Variants in TCF7L2 observed in about 807,000 individuals in gnomAD.
TCF7L2 encodes the protein transcription factor 7 like 2.
TCF7L2 carries 23 observed loss-of-function variants against 77.9 expected under a neutral mutation model. The observed-to-expected ratio is 0.30, with a 90% CI of 0.21 to 0.42. TCF7L2 has a LOEUF of 0.42. TCF7L2 is among the 10% of genes least tolerant of loss of function. The probability of loss-of-function intolerance (pLI) is 1.00; values close to 1 mark genes in which losing one functional copy is unlikely to be tolerated. For synonymous variants in TCF7L2, 413 were observed against 340.2 expected, an observed-to-expected ratio of 1.21 and a Z score of -2.36; for missense variants, 654 against 793.1, an observed-to-expected ratio of 0.82 and a Z score of 2.11.
intron 4 of TCF7L2, among the ~76,000 whole-genome samples, chr10:112,966,700 G>A (rs149394994): frequency 5.1e-4 from 78 of 152,284 alleles, no homozygotes; most frequent in Non-Finnish European, 8.7e-4. Flanking sequence ...CTTTACACCC[G>A]TTGCTGAAGT....
At chr10:113,163,736 C>A (rs572321576) in intron 13 of TCF7L2, among the ~76,000 whole-genome samples, 1 of 152,030 alleles carries the variant, frequency 6.6e-6, no homozygotes, top group South Asian at 2.1e-4. Flanking sequence ...TCCTTCTGAC[C>A]CAGAAGGAAC....
intron 5 of TCF7L2, among the ~76,000 whole-genome samples, chr10:113,085,222 G>A (rs1032858196): frequency 5.5e-5 from 8 of 144,982 alleles, no homozygotes; most frequent in African/African-American, 9.9e-5. Flanking sequence ...CACCACATCT[G>A]GCTATTTTTT....
intron 4 of TCF7L2, among the ~76,000 whole-genome samples, chr10:113,008,386 C>G (rs1284675145): frequency 1.3e-5 from 2 of 152,188 alleles, no homozygotes; most frequent in Non-Finnish European, 2.9e-5. Context: ...ACACCTGTCT[C>G]TCTGCGTAGC....
At chr10:113,034,670 A>G (rs1231710627) in intron 4 of TCF7L2, among the ~76,000 whole-genome samples, 3 of 152,026 alleles carry the variant, frequency 2.0e-5, no homozygotes, top group African/African-American at 7.2e-5. Flanking sequence ...CTGAGGTGGG[A>G]GGGTCATCTG....
intron 5 of TCF7L2, among the ~76,000 whole-genome samples, chr10:113,076,889 T>C (rs747417316): frequency 6.6e-6 from 1 of 152,166 alleles, no homozygotes; most frequent in Non-Finnish European, 1.5e-5. Flanking sequence ...AGGTGACTCT[T>C]CCCCCTCCCC....
At chr10:112,989,737 G>A (rs1425644327) in intron 4 of TCF7L2, among the ~76,000 whole-genome samples, 1 of 152,184 alleles carries the variant, frequency 6.6e-6, no homozygotes, top group Non-Finnish European at 1.5e-5. Context: ...ACACAGCAGC[G>A]TGATAGCATT....
At chr10:113,143,882 C>T (rs778224939) in intron 6 of TCF7L2, 41 bp from the exon 7 acceptor site, 2 of 1,517,308 alleles carry the variant, frequency 1.3e-6, no homozygotes, top group South Asian at 2.3e-5. Context: ...CTCTTTCCTT[C>T]TCTCCCTCCT....
intron 3 of TCF7L2, among the ~76,000 whole-genome samples, chr10:112,964,227 C>T (rs114658928): frequency 0.012 from 1,791 of 152,202 alleles, 31 homozygotes; most frequent in African/African-American, 0.038. Context: ...TTCAGCATCC[C>T]GCTCAGCACA....
At chr10:113,057,210 C>A (rs974812506) in intron 5 of TCF7L2, among the ~76,000 whole-genome samples, 1 of 152,106 alleles carries the variant, frequency 6.6e-6, no homozygotes, top group Non-Finnish European at 1.5e-5. Context: ...GGTGATTACC[C>A]ATGGGGAGAC....
At chr10:113,023,452 A>C (rs2133911453) in intron 4 of TCF7L2, among the ~76,000 whole-genome samples, 1 of 152,236 alleles carries the variant, frequency 6.6e-6, no homozygotes. Flanking sequence ...TATATTTAAA[A>C]TACCTGAATG....
At chr10:113,021,092 A>G (rs2048200005) in intron 4 of TCF7L2, among the ~76,000 whole-genome samples, 1 of 152,172 alleles carries the variant, frequency 6.6e-6, no homozygotes, top group Non-Finnish European at 1.5e-5. Flanking sequence ...CGAATGTTAA[A>G]TGAGGCTTAA....
At chr10:113,132,308 C>A (rs55878518) in intron 5 of TCF7L2, among the ~76,000 whole-genome samples, 3,396 of 152,220 alleles carry the variant, frequency 0.022, 61 homozygotes, top group Non-Finnish European at 0.033. Flanking sequence ...CAAATGCAGG[C>A]TGAGATTCGA....
intron 4 of TCF7L2, among the ~76,000 whole-genome samples, chr10:113,000,586 A>G (rs2044293974): frequency 6.6e-6 from 1 of 152,178 alleles, no homozygotes; most frequent in Non-Finnish European, 1.5e-5. Context: ...ATAGCTGCCA[A>G]GTGGGAGTTT....
At chr10:113,037,365 G>T (rs1047268604) in intron 4 of TCF7L2, among the ~76,000 whole-genome samples, 3 of 152,170 alleles carry the variant, frequency 2.0e-5, no homozygotes, top group Non-Finnish European at 2.9e-5. Context: ...AAGTCAGCAG[G>T]ACCAGGGCTG....
At chr10:113,102,136 A>G (rs887484992) in intron 5 of TCF7L2, among the ~76,000 whole-genome samples, 1 of 147,780 alleles carries the variant, frequency 6.8e-6, no homozygotes, top group Non-Finnish European at 1.5e-5. Flanking sequence ...AAAAAAAAAA[A>G]AAAAAAGTGA....
intron 5 of TCF7L2, among the ~76,000 whole-genome samples, chr10:113,059,080 G>T (rs184354405): frequency 6.6e-6 from 1 of 152,160 alleles, no homozygotes; most frequent in African/African-American, 2.4e-5. Flanking sequence ...GGGAGGGGAA[G>T]CTTTAGGGCC....
intron 5 of TCF7L2, among the ~76,000 whole-genome samples, chr10:113,100,936 G>A (rs942144933): frequency 1.3e-5 from 2 of 152,144 alleles, no homozygotes; most frequent in African/African-American, 4.8e-5. Flanking sequence ...TTAGGCAGGC[G>A]TGGTGGCGTT....
chr10:113,076,135 C>CAAAAAAAA (rs34089010), intron 5 of TCF7L2, among the ~76,000 whole-genome samples: 2 of 65,978 alleles, frequency 3.0e-5, no homozygotes, highest in Non-Finnish European at 5.6e-5. Context: ...GACTCCATCT[C>CAAAAAAAA]AAAAAAAAAA....
Position 113,033,099 on chromosome 10 carries a change from T to C in TCF7L2, c.451-6926T>C, listed in dbSNP as rs188723861. 1.1e-3 allele frequency among the ~76,000 whole-genome samples: 167 copies of C among 152,178 alleles called. 2 individuals carry two copies. The highest frequency in any genetic ancestry group is 3.6e-4 in the African/African-American group (15 of 41,554). On this transcript the variant is annotated intron_variant, in intron 4 of 13. Transcript: ENST00000627217. ...GAGTTCCGACTATGTTGGTTTTTTT[T>C]CCCCCAAGTCAACCTTAATATCTTA...
Sources: allele counts gnomAD v4.1 joint callset (sites outside exome capture counted in the v4.1 genomes callset), GRCh38; gene constraint gnomAD v4.1.1; transcripts MANE v1.5; gene names NCBI Gene and HGNC (gene_info 2026-07-23, HGNC 2026-07-21).